The following ZSCAN5A variants were observed in gnomAD, a reference collection of about 807,000 sequenced individuals.
The protein encoded by ZSCAN5A is zinc finger and SCAN domain containing 5A, also known as zinc finger and SCAN domain-containing protein 5A.
A neutral mutation model predicts 23.7 loss-of-function variants in ZSCAN5A; 12 were observed. That is an observed-to-expected ratio of 0.51 (90% CI 0.32 to 0.82). The LOEUF (loss-of-function observed/expected upper bound fraction) is 0.82, where lower values mean the gene tolerates loss of function less well. Ranked by LOEUF, ZSCAN5A falls within the 40% of genes least tolerant of loss-of-function variation. The probability of loss-of-function intolerance (pLI) is 0.03; values close to 1 mark genes in which losing one functional copy is unlikely to be tolerated. For synonymous variants in ZSCAN5A, 257 were observed against 239.9 expected (o/e 1.07, Z -0.66); for missense variants, 597 against 617.9 (o/e 0.97, Z 0.36).
At chr19:56,243,261 G>C (rs2146639965) in intron 2 of ZSCAN5A, among the ~76,000 whole-genome samples, 1 of 152,288 alleles carries the variant, frequency 6.6e-6, no homozygotes, top group East Asian at 1.9e-4. Context: ...GGTTCCTTTT[G>C]GGCTGATGAG....
At chr19:56,298,376 A>T (rs945046867) in intron 2 of ZSCAN5A, among the ~76,000 whole-genome samples, 6 of 152,134 alleles carry the variant, frequency 3.9e-5, no homozygotes, top group Non-Finnish European at 7.4e-5. Context: ...GGTGGCTCAC[A>T]TCTGTAATCC....
intron 2 of ZSCAN5A, among the ~76,000 whole-genome samples, chr19:56,259,976 A>G (rs1020907231): frequency 3.1e-4 from 47 of 152,254 alleles, no homozygotes; most frequent in African/African-American, 1.1e-3. Context: ...CTTGTTTTAA[A>G]AAAATAAAAA....
At chr19:56,231,478 T>A (rs2034458670) in intron 2 of ZSCAN5A, among the ~76,000 whole-genome samples, 1 of 152,178 alleles carries the variant, frequency 6.6e-6, no homozygotes, top group South Asian at 2.1e-4. Context: ...GTTTCCCTTG[T>A]CTTGGATGCC....
At chr19:56,273,740 G>A (rs1457551357) in intron 2 of ZSCAN5A, among the ~76,000 whole-genome samples, 1 of 152,142 alleles carries the variant, frequency 6.6e-6, no homozygotes, top group African/African-American at 2.4e-5. Flanking sequence ...AGTAAGAAGA[G>A]ACAGGAGGCA....
intron 2 of ZSCAN5A, among the ~76,000 whole-genome samples, chr19:56,231,872 A>G (rs1363805390): frequency 9.2e-5 from 14 of 151,734 alleles, no homozygotes; most frequent in Admixed American, 9.2e-4. Flanking sequence ...ACCATCCTCC[A>G]ACGCTTCCCC....
chr19:56,301,092 C>G (rs2040198449), intron 2 of ZSCAN5A, among the ~76,000 whole-genome samples: 1 of 152,032 alleles, frequency 6.6e-6, no homozygotes, highest in African/African-American at 2.4e-5. Context: ...ATCAAGACCC[C>G]CAGAGAGGGT....
intron 2 of ZSCAN5A, among the ~76,000 whole-genome samples, chr19:56,344,684 A>T (rs926929132): frequency 2.7e-5 from 4 of 150,766 alleles, no homozygotes; most frequent in African/African-American, 9.8e-5. Flanking sequence ...CGGGTGGATC[A>T]TGAGGTCAGG....
At chr19:56,305,015 G>C (rs2040591864) in intron 2 of ZSCAN5A, among the ~76,000 whole-genome samples, 1 of 152,154 alleles carries the variant, frequency 6.6e-6, no homozygotes, top group Admixed American at 6.5e-5. Flanking sequence ...TGCCTGACAG[G>C]GGCAAGGAAA....
chr19:56,336,229 C>T (rs1345916459), intron 2 of ZSCAN5A, among the ~76,000 whole-genome samples: 5 of 152,174 alleles, frequency 3.3e-5, no homozygotes, highest in Admixed American at 6.5e-5. Flanking sequence ...ACCAATCAGA[C>T]GTAGATTTGG....
At chr19:56,279,533 G>A (rs1472294943) in intron 2 of ZSCAN5A, among the ~76,000 whole-genome samples, 6 of 152,090 alleles carry the variant, frequency 3.9e-5, no homozygotes, top group South Asian at 4.1e-4. Flanking sequence ...TTTAAAATAC[G>A]TCATGCAATT....
chr19:56,240,258 T>C (rs1334740697), intron 2 of ZSCAN5A, among the ~76,000 whole-genome samples: 1 of 151,186 alleles, frequency 6.6e-6, no homozygotes, highest in Admixed American at 6.7e-5. Context: ...TTCAGCAATA[T>C]GACAAATAAT....
In ZSCAN5A at chr19:56,269,027, T is replaced by C. The variant is rs1035236277; in HGVS notation, c.-127-43854A>G. On this transcript the variant is annotated intron_variant, in intron 2 of 5. Coordinates refer to ENST00000683990, the MANE Select transcript of ZSCAN5A (RefSeq NM_001322064.3). ...ATACCACACTTTACCCATTAATCTA[T>C]TGATGGACATTCGAATCATTTCCAT... is the stretch of plus-strand genomic sequence containing the variant. 3.3e-5 allele frequency among the ~76,000 whole-genome samples: 5 copies of C among 152,248 alleles called. No homozygotes were observed. In the East Asian group the frequency reaches 5.8e-4, roughly 18 times the overall value.
At position 56,335,527 on chromosome 19, in the gene ZSCAN5A, A is replaced by G. The variant is rs546740230; in HGVS notation, c.-357-19259T>C. 2.0e-5 allele frequency among the ~76,000 whole-genome samples: 3 copies of G among 152,094 alleles called. No individual in the cohort carries two copies. In the South Asian group the frequency reaches 6.2e-4, roughly 32 times the overall value. ...GAATACAGCACACTAATGGGTCTTG[A>G]CTCTTTATCCAATTTGCCAGTCTGT... is the stretch of plus-strand genomic sequence containing the variant. On this transcript the variant is annotated intron_variant, in intron 2 of 6. Coordinates refer to the ZSCAN5A transcript ENST00000587340.
intron 2 of ZSCAN5A, among the ~76,000 whole-genome samples, chr19:56,274,016 C>T (rs1464947404): frequency 2.0e-5 from 3 of 151,924 alleles, no homozygotes; most frequent in Admixed American, 1.3e-4. Flanking sequence ...TAGAAGGTTA[C>T]GAGGCACTGA....
At chr19:56,325,171 C>T (rs113777660) in intron 2 of ZSCAN5A, among the ~76,000 whole-genome samples, 5,452 of 152,288 alleles carry the variant, frequency 0.036, 338 homozygotes, top group African/African-American at 0.13. Context: ...TTGCAATTTG[C>T]TTATTATATC....
At chr19:56,275,443 C>T (rs1244186316) in intron 2 of ZSCAN5A, among the ~76,000 whole-genome samples, 4 of 152,052 alleles carry the variant, frequency 2.6e-5, no homozygotes, top group South Asian at 2.1e-4. Flanking sequence ...GGATATTTAT[C>T]GTATTGGTTG....
intron 2 of ZSCAN5A, among the ~76,000 whole-genome samples, chr19:56,362,914 T>C (rs1470626885): frequency 2.0e-5 from 3 of 150,844 alleles, no homozygotes; most frequent in Admixed American, 2.0e-4. Context: ...CTGAAGAACA[T>C]GTATACGGGA....
intron 2 of ZSCAN5A, among the ~76,000 whole-genome samples, chr19:56,289,681 AT>A (rs1484140697): frequency 6.6e-6 from 1 of 152,114 alleles, no homozygotes; most frequent in African/African-American, 2.4e-5. Context: ...TAGTGCAATC[AT>A]AGCTTACTGC....
chr19:56,244,605 G>T (rs1389805103), intron 2 of ZSCAN5A, among the ~76,000 whole-genome samples: 1 of 116,792 alleles, frequency 8.6e-6, no homozygotes, highest in Non-Finnish European at 1.9e-5. Flanking sequence ...TCACAAGGGG[G>T]AGGACAGGAG....
Sources: allele counts gnomAD v4.1 joint callset (sites outside exome capture counted in the v4.1 genomes callset), GRCh38; gene constraint gnomAD v4.1.1; transcripts MANE v1.5; gene names NCBI Gene and HGNC (gene_info 2026-07-23, HGNC 2026-07-21).